Variants in MRPL45 observed in about 807,000 individuals in gnomAD.
MRPL45 encodes the protein mitochondrial ribosomal protein L45.
MRPL45 carries 20 observed loss-of-function variants against 38.1 expected under a neutral mutation model. The ratio of observed to expected loss-of-function variants is 0.53; its 90% CI spans 0.37 to 0.76. The LOEUF (loss-of-function observed/expected upper bound fraction) is 0.76. Ranked by LOEUF, MRPL45 falls within the 30% of genes least tolerant of loss-of-function variation. The pLI is 0.00. For missense variants in MRPL45, 337 were observed against 395.6 expected (o/e 0.85, Z 1.26); for synonymous variants, 105 against 128.8 (o/e 0.82, Z 1.25).
At chr17:38,314,796 C>T (rs1197239231) in intron 4 of MRPL45, among the ~76,000 whole-genome samples, 66 of 152,262 alleles carry the variant, frequency 4.3e-4, no homozygotes, top group African/African-American at 1.3e-3. Context: ...CCTCCCAAAG[C>T]GTTGGGATTA....
At position 38,297,269 on chromosome 17, in the gene MRPL45, A is replaced by T. The variant is rs1407967397; in HGVS notation, c.66+20A>T. ...CGGCAGGTGGGTAGGGACGGGGCCG[A>T]TAGGACCCTAGGGGCTACAGGAGAG... On this transcript the variant is annotated intron_variant, in intron 1 of 7. Coordinates refer to ENST00000613675, the MANE Select transcript of MRPL45 (RefSeq NM_032351.6). 6.2e-7 allele frequency: 1 copy of T among 1,610,838 alleles called. No homozygotes were observed. Among genetic ancestry groups the T allele is most frequent in the South Asian group, 1.1e-5 (1 of 91,044 alleles).
At chr17:38,311,679 C>T (rs373636745) in intron 4 of MRPL45, among the ~76,000 whole-genome samples, 18 of 101,774 alleles carry the variant, frequency 1.8e-4, no homozygotes, top group South Asian at 3.9e-4. Context: ...AGCGAGACTC[C>T]GTCTCAAAAA....
At position 38,322,807 on chromosome 17, in the gene MRPL45, A is replaced by G. The variant is rs1349046424; in HGVS notation, c.*212A>G. 3 of 535,120 alleles carry G rather than the reference A, an allele frequency of 5.6e-6. No homozygotes were observed. Among genetic ancestry groups the G allele is most frequent in the Non-Finnish European group, 9.9e-6 (3 of 303,682 alleles). The allele number at this position is 535,120 out of a possible 1,614,324, so 33.1% of individuals were successfully genotyped here. The stretch of plus-strand genomic sequence containing the variant: ...ATGGCCATGGACACTCTTCTTTTTT[A>G]AATTTTATGTCTAGCTTCTGAGTCT... On this transcript the variant is annotated 3_prime_UTR_variant, in exon 8 of 8. Coordinates refer to ENST00000613675, the MANE Select transcript of MRPL45 (RefSeq NM_032351.6).
At chr17:38,302,348 A>G (rs1233304875) in intron 3 of MRPL45, among the ~76,000 whole-genome samples, 4 of 150,836 alleles carry the variant, frequency 2.7e-5, no homozygotes, top group African/African-American at 9.8e-5. Context: ...TTAGCCAAGC[A>G]TGGTGGCACA....
intron 4 of MRPL45, among the ~76,000 whole-genome samples, chr17:38,308,093 A>T (rs2037072085): frequency 6.6e-6 from 1 of 151,864 alleles, no homozygotes; most frequent in Admixed American, 6.6e-5. Flanking sequence ...TTTTGTAGGG[A>T]TGGGATTTCA....
rs1195127170 is a variant in MRPL45 at position 38,318,821 on chromosome 17, TCTTTTC to T, written c.510+87_510+92del. The T allele has an allele frequency of 1.1e-5, 10 of 877,218 alleles. No homozygotes were observed. The African/African-American group carries it at 2.3e-4, about 20-fold the overall frequency. 54.3% of individuals were successfully genotyped at this position (877,218 alleles called of 1,614,324 possible). On this transcript the variant is annotated intron_variant, in intron 5 of 7. Transcript: ENST00000613675. ...CTCTGGTTTTTCTTTTCTTTTCTTT[TCTTTTC>T]TTTTTTTTTTTTTTTTTGAGACAGA...
intron 4 of MRPL45, among the ~76,000 whole-genome samples, chr17:38,314,783 T>C (rs113874108): frequency 0.041 from 6,237 of 152,286 alleles, 417 homozygotes; most frequent in African/African-American, 0.14. Context: ...CCACCCGCCT[T>C]GACCTCCCAA....
Position 38,305,882 on chromosome 17 carries a change from A to G in MRPL45, c.363-651A>G, listed in dbSNP as rs1254936465. Among the ~76,000 whole-genome samples, 3 of 151,786 alleles carry G rather than the reference A, an allele frequency of 2.0e-5. No individual in the cohort carries two copies. The East Asian group carries it at 5.9e-4, about 30-fold the overall frequency. On this transcript the variant is annotated intron_variant, in intron 3 of 7. Coordinates refer to ENST00000613675, the MANE Select transcript of MRPL45 (RefSeq NM_032351.6). Reference sequence around the variant, plus strand: ...GGTCTCAAACTCCTGACCTCAAGTGATCTACCTGCCTCGGCCTCCCAAAGT... The same window carrying G: ...GGTCTCAAACTCCTGACCTCAAGTGGTCTACCTGCCTCGGCCTCCCAAAGT...
At chr17:38,300,384 G>A (rs867498793) in intron 3 of MRPL45, among the ~76,000 whole-genome samples, 25 of 151,954 alleles carry the variant, frequency 1.6e-4, no homozygotes, top group African/African-American at 5.6e-4. Context: ...GGCTGGTCTC[G>A]AACTCCTGGG....
intron 4 of MRPL45, among the ~76,000 whole-genome samples, chr17:38,316,837 T>C (rs1397400736): frequency 6.6e-6 from 1 of 151,662 alleles, no homozygotes; most frequent in Non-Finnish European, 1.5e-5. Flanking sequence ...CTTGCTCTGT[T>C]GCCAGGCTGG....
chr17:38,316,267 T>G (rs2037172159), intron 4 of MRPL45, among the ~76,000 whole-genome samples: 1 of 152,194 alleles, frequency 6.6e-6, no homozygotes, highest in Non-Finnish European at 1.5e-5. Flanking sequence ...TCACTGATAC[T>G]TTGCCTGCTC....
chr17:38,306,034 C>T (rs2078196561), intron 3 of MRPL45, among the ~76,000 whole-genome samples: 1 of 152,078 alleles, frequency 6.6e-6, no homozygotes, highest in African/African-American at 2.4e-5. Flanking sequence ...TCTGAAATTT[C>T]ACTATGAGAA....
Position 38,322,059 on chromosome 17 carries a change from TAAAAC to T in MRPL45, c.661-63_661-59del, listed in dbSNP as rs2037234760. The stretch of plus-strand genomic sequence containing the variant: ...AAAAAAAAAAAAGGTTGTATGGCAA[TAAAAC>T]AAACAACTCACACTCACACACCAAA... On this transcript the variant is annotated intron_variant, in intron 6 of 7. Transcript: ENST00000613675. The T allele has an allele frequency of 1.2e-5, 17 of 1,443,758 alleles. No homozygotes were observed. In the South Asian group the frequency reaches 2.2e-4, roughly 18 times the overall value. The allele number at this position is 1,443,758 out of a possible 1,614,324, so 89.4% of individuals were successfully genotyped here. A position where few individuals can be genotyped will look rare whatever the true frequency, so the allele number is the denominator to read the frequency against.
chr17:38,306,199 G>A (rs1391877930), intron 3 of MRPL45, among the ~76,000 whole-genome samples: 2 of 151,750 alleles, frequency 1.3e-5, no homozygotes, highest in Non-Finnish European at 2.9e-5. Context: ...CCTGAGGTCA[G>A]GAGATCGAGA....
chr17:38,298,059 C>G (rs2036954966), intron 1 of MRPL45, among the ~76,000 whole-genome samples: 1 of 152,120 alleles, frequency 6.6e-6, no homozygotes, highest in South Asian at 2.1e-4. Flanking sequence ...ATCGTGCCAT[C>G]GCACTCTAGG....
chr17:38,309,464 T>C (rs756626228), intron 4 of MRPL45, among the ~76,000 whole-genome samples: 5 of 151,376 alleles, frequency 3.3e-5, no homozygotes, highest in Non-Finnish European at 7.4e-5. Flanking sequence ...AGAGGTTGCT[T>C]TGAGCCGAGA....
intron 3 of MRPL45, among the ~76,000 whole-genome samples, chr17:38,304,367 T>C (rs906879948): frequency 2.6e-5 from 4 of 152,104 alleles, no homozygotes; most frequent in African/African-American, 9.7e-5. Context: ...TTCCAGTTAC[T>C]TGGGAGTCTG....
Position 38,312,311 on chromosome 17 carries a change from G to A in MRPL45, c.461+5680G>A, listed in dbSNP as rs372980462. On this transcript the variant is annotated intron_variant, in intron 4 of 7. Transcript: ENST00000613675. ...TCCGCCTGCCTCGGCCTCCGTAAGT[G>A]CGGGGATTACAGGTGTGAGCCACCG... 1.2e-3 allele frequency among the ~76,000 whole-genome samples: 181 copies of A among 152,254 alleles called. 1 individual carries two copies. The highest frequency in any genetic ancestry group is 4.2e-3 in the African/African-American group (174 of 41,550).
intron 4 of MRPL45, among the ~76,000 whole-genome samples, chr17:38,317,369 C>T (rs1358840370): frequency 6.6e-6 from 1 of 152,076 alleles, no homozygotes; most frequent in Non-Finnish European, 1.5e-5. Context: ...AGAACTAATC[C>T]CTTACCCATT....
Sources: allele counts gnomAD v4.1 joint callset (sites outside exome capture counted in the v4.1 genomes callset), GRCh38; gene constraint gnomAD v4.1.1; transcripts MANE v1.5; gene names NCBI Gene and HGNC (gene_info 2026-07-23, HGNC 2026-07-21).